The following ALG12 variants were observed in gnomAD, a reference collection of about 807,000 sequenced individuals.
The protein encoded by ALG12 is dol-P-Man:Man(7)GlcNAc(2)-PP-Dol alpha-1,6-mannosyltransferase.
A neutral mutation model predicts 46.0 loss-of-function variants in ALG12; 36 were observed. The observed-to-expected ratio is 0.78, with a 90% CI of 0.60 to 1.03. The LOEUF (loss-of-function observed/expected upper bound fraction) is 1.03, where lower values mean the gene tolerates loss of function less well. Among genes scored for constraint, ALG12 ranks in the 50% least tolerant of loss-of-function variants. ALG12 has a pLI of 0.00. For synonymous variants in ALG12, 326 were observed against 291.6 expected (o/e 1.12, Z -1.20); for missense variants, 599 against 633.5 (o/e 0.95, Z 0.58).
the ALG12 span, among the ~76,000 whole-genome samples, chr22:49,878,841 T>TA: frequency 5.3e-5 from 8 of 151,302 alleles, no homozygotes; most frequent in Non-Finnish European, 1.0e-4. Flanking sequence ...CTACTAAAAA[T>TA]AAAAAAAATG....
chr22:49,916,244 C>A (rs1197594719), intron 1 of ALG12, among the ~76,000 whole-genome samples: 4 of 151,750 alleles, frequency 2.6e-5, no homozygotes, highest in Non-Finnish European at 5.9e-5. Flanking sequence ...CAGAGCAAGA[C>A]TCCATCTCAA....
At chr22:49,893,359 G>T in the ALG12 span, among the ~76,000 whole-genome samples, 1 of 152,114 alleles carries the variant, frequency 6.6e-6, no homozygotes. Flanking sequence ...CTGCACCTAG[G>T]CACATCATGG....
chr22:49,911,330 G>C lies in ALG12; in HGVS notation c.296-723C>G, dbSNP rs1016018695. Among the ~76,000 whole-genome samples, 14 of 152,344 alleles carry C rather than the reference G, an allele frequency of 9.2e-5. 2 individuals are homozygous for C. Among genetic ancestry groups the C allele is most frequent in the Admixed American group, 2.0e-4 (3 of 15,308 alleles). On this transcript the variant is annotated intron_variant, in intron 3 of 9. Transcript: ENST00000330817. ...GGCAGAGATACCCAGGCACTGCCAA[G>C]GGGGCCACGGATGTCTGAGGGCTGG...
At chr22:49,899,838 C>G (rs557318625), downstream of ALG12, among the ~76,000 whole-genome samples, 1 of 151,774 alleles carries the variant, frequency 6.6e-6, no homozygotes, top group African/African-American at 2.4e-5. Flanking sequence ...ATCCTTGCAT[C>G]GACACCATGG....
the ALG12 span, among the ~76,000 whole-genome samples, chr22:49,866,537 C>T: frequency 6.6e-6 from 1 of 152,108 alleles, no homozygotes; most frequent in Non-Finnish European, 1.5e-5. Flanking sequence ...CCTATAATCT[C>T]ACATCAGAAT....
the ALG12 span, among the ~76,000 whole-genome samples, chr22:49,894,996 CAGG>C: frequency 1.3e-5 from 2 of 152,076 alleles, no homozygotes; most frequent in Non-Finnish European, 2.9e-5. Flanking sequence ...GAGTGAAGCC[CAGG>C]AGGAGGAGGA....
chr22:49,910,304 C>T, intron 4 of ALG12, 130 bp downstream of exon 4: 2 of 1,359,428 alleles, frequency 1.5e-6, no homozygotes, highest in Non-Finnish European at 2.0e-6. Context: ...TTTCAGGTCA[C>T]AGACCATCCT....
chr22:49,903,921 G>A lies in ALG12; in HGVS notation c.1384C>T (p.Leu462=), dbSNP rs771697266. The change falls in exon 10 of 10, where the codon CTG becomes TTG. Residue 462 remains leucine (L), a synonymous_variant. Coordinates refer to ENST00000330817, the MANE Select transcript of ALG12 (RefSeq NM_024105.4). ...AAGGGGGGCAGTTGGGTCAGGTTCA[G>A]ACTCACACCTGTGGTCCCCACGACG... ...ASVVGTTGVS[L]NLTQLPPFNV... 6.2e-7 allele frequency: 1 copy of A among 1,614,216 alleles called. No individual in the cohort carries two copies.
Position 49,908,747 on chromosome 22 carries a change from T to C in ALG12, c.768+497A>G, listed in dbSNP as rs1403519221. ...CAGGTGGATCACCTGAGTTCAAGAG[T>C]TCAAGATCAGCCTGACCAACATGGT... On this transcript the variant is annotated intron_variant, in intron 6 of 9. Transcript: ENST00000330817. Among the ~76,000 whole-genome samples the C allele has an allele frequency of 2.3e-5, 3 of 129,152 alleles. 1 individual carries two copies. The highest frequency in any genetic ancestry group is 1.6e-5 in the Non-Finnish European group (1 of 61,622). The allele number at this position is 129,152 out of a possible 152,430, so 84.7% of individuals were successfully genotyped here. A position where few individuals can be genotyped will look rare whatever the true frequency, so the allele number is the denominator to read the frequency against.
Position 49,913,530 on chromosome 22 carries a change from G to A in ALG12, c.163-13C>T. On this transcript the variant is annotated splice_polypyrimidine_tract_variant and intron_variant, in intron 2 of 9. Transcript: ENST00000330817. The stretch of plus-strand genomic sequence containing the variant: ...CAAGATGGTCGTACTGCGAGGAGAA[G>A]GGCAGGTCAGTGCACCGGGGCCCTG... The A allele has an allele frequency of 3.7e-6, 6 of 1,613,948 alleles. No homozygotes were observed. The highest frequency in any genetic ancestry group is 5.1e-6 in the Non-Finnish European group (6 of 1,180,040).
intron 3 of ALG12, among the ~76,000 whole-genome samples, chr22:49,912,110 C>CCAGGATCAGCCTCGGCCG (rs2060581600): frequency 1.5e-5 from 2 of 136,060 alleles, no homozygotes; most frequent in South Asian, 2.5e-4. Context: ...ACCCTCGGCC[C>CCAGGATCAGCCTCGGCCG]CGGGATCAGC....
the ALG12 span, among the ~76,000 whole-genome samples, chr22:49,872,642 G>A: frequency 1.8e-4 from 28 of 152,102 alleles, no homozygotes; most frequent in Non-Finnish European, 4.0e-4. Context: ...CGAACCTCCC[G>A]TCTCAGCCTG....
rs779029465 is a variant in ALG12 at position 49,913,407 on chromosome 22, G to C, written c.273C>G (p.Ser91=). 1.2e-6 allele frequency: 2 copies of C among 1,613,972 alleles called. No homozygotes were observed. The highest frequency in any genetic ancestry group is 1.1e-5 in the South Asian group (1 of 91,088). Residue 91 remains serine (S), a synonymous_variant, in exon 3 of 10, where the codon TCC becomes TCG. Transcript: ENST00000330817. ...TACCTATTAGCTGAGAGTAAAACTTGGACATTTCTAACAGCGAAAGCACGT... is the reference window on the plus strand; with the variant it reads ...TACCTATTAGCTGAGAGTAAAACTTCGACATTTCTAACAGCGAAAGCACGT... ...AVYVLSLLEM[S]KFYSQLIVRG...
downstream of ALG12, among the ~76,000 whole-genome samples, chr22:49,898,871 G>T (rs2060493565): frequency 6.6e-6 from 1 of 152,052 alleles, no homozygotes; most frequent in Non-Finnish European, 1.5e-5. Flanking sequence ...TCCTGCCTCA[G>T]CCTCTCTAGT....
the ALG12 span, chr22:49,887,457 A>G: frequency 3.2e-6 from 1 of 317,286 alleles, no homozygotes; most frequent in African/African-American, 2.1e-5. Context: ...AAAGTTTTTT[A>G]AAGTTTTGGG....
chr22:49,909,490 TAGG>T (rs965884511), intron 5 of ALG12, 143 bp from the exon 6 acceptor site: 1 of 853,004 alleles, frequency 1.2e-6, no homozygotes, highest in South Asian at 1.4e-5. Flanking sequence ...TGCTGGAGCC[TAGG>T]AGTTCAAGGT....
chr22:49,910,096 A>G lies in ALG12; in HGVS notation c.470-8T>C, dbSNP rs1326072016. 1 of 1,599,142 alleles carries G rather than the reference A, an allele frequency of 6.3e-7. No individual in the cohort carries two copies. Among genetic ancestry groups the G allele is most frequent in the African/African-American group, 1.3e-5 (1 of 74,772 alleles). On this transcript the variant is annotated splice_region_variant and splice_polypyrimidine_tract_variant and intron_variant, in intron 4 of 9. Transcript: ENST00000330817. The stretch of plus-strand genomic sequence containing the variant: ...CCGCGAGGGCCAGCAGGACTGCAAG[A>G]CAGTGCGGGAGGGTGCTCGTCAAGA...
At chr22:49,888,186 G>A in the ALG12 span, 4 of 167,132 alleles carry the variant, frequency 2.4e-5, no homozygotes, top group East Asian at 7.5e-4. Context: ...CAAATCCCAA[G>A]GACATCAGAG....
chr22:49,910,226 C>T (rs1040211382), intron 4 of ALG12, 138 bp from the exon 5 acceptor site: 27 of 1,199,194 alleles, frequency 2.3e-5, no homozygotes, highest in African/African-American at 1.4e-4. Flanking sequence ...TGCTCAGAGC[C>T]GCTCCCCGCA....
Sources: allele counts gnomAD v4.1 joint callset (sites outside exome capture counted in the v4.1 genomes callset), GRCh38; gene constraint gnomAD v4.1.1; transcripts MANE v1.5; gene names NCBI Gene and HGNC (gene_info 2026-07-23, HGNC 2026-07-21).